Variants in MAN2A1 observed in about 807,000 individuals in gnomAD.
MAN2A1 encodes the protein mannosidase alpha class 2A member 1.
A neutral mutation model predicts 142.6 loss-of-function variants in MAN2A1; 76 were observed. The observed-to-expected ratio is 0.53, with a 90% CI of 0.44 to 0.65. The LOEUF (loss-of-function observed/expected upper bound fraction) is 0.65, where lower values mean the gene tolerates loss of function less well. Among genes scored for constraint, MAN2A1 ranks in the 30% least tolerant of loss-of-function variants. The probability of loss-of-function intolerance (pLI) is 0.00; values close to 1 mark genes in which losing one functional copy is unlikely to be tolerated. For missense variants in MAN2A1, 1,311 were observed against 1,365.1 expected (o/e 0.96, Z 0.62); for synonymous variants, 559 against 473.2 (o/e 1.18, Z -2.35).
chr5:109,790,440 G>A (rs1225537984), intron 12 of MAN2A1, among the ~76,000 whole-genome samples: 1 of 151,840 alleles, frequency 6.6e-6, no homozygotes, highest in East Asian at 1.9e-4. Flanking sequence ...GACATAAGGT[G>A]TATACAGCTT....
At chr5:109,753,511 T>A (rs1223593273) in intron 4 of MAN2A1, among the ~76,000 whole-genome samples, 1 of 152,344 alleles carries the variant, frequency 6.6e-6, no homozygotes, top group East Asian at 1.9e-4. Flanking sequence ...CATGTGAAAT[T>A]ATATTAGTTG....
intron 17 of MAN2A1, among the ~76,000 whole-genome samples, chr5:109,844,882 G>A (rs975552426): frequency 4.6e-5 from 7 of 152,136 alleles, no homozygotes; most frequent in African/African-American, 1.7e-4. Flanking sequence ...TTTCTGCAGA[G>A]GCTGTATTTC....
At chr5:109,697,589 T>G (rs931782831) in intron 1 of MAN2A1, among the ~76,000 whole-genome samples, 1 of 152,238 alleles carries the variant, frequency 6.6e-6, no homozygotes, top group African/African-American at 2.4e-5. Context: ...TAATAATGTT[T>G]CATGACATAG....
chr5:109,799,861 G>T (rs965885140), intron 12 of MAN2A1, among the ~76,000 whole-genome samples: 3 of 152,062 alleles, frequency 2.0e-5, no homozygotes, highest in African/African-American at 4.8e-5. Flanking sequence ...GCCGAGGTGG[G>T]TGGATCCCCT....
chr5:109,735,878 GTTTTT>G (rs35796131), intron 4 of MAN2A1, among the ~76,000 whole-genome samples: 9 of 98,404 alleles, frequency 9.1e-5, no homozygotes, highest in Admixed American at 8.3e-4. Context: ...TTCCATTGGA[GTTTTT>G]TTTTTTTTTT....
At position 109,766,622 on chromosome 5, in the gene MAN2A1, T is replaced by G. The variant is rs780234563; in HGVS notation, c.836-913T>G. Among the ~76,000 whole-genome samples the G allele has an allele frequency of 2.5e-4, 38 of 152,156 alleles. 1 individual carries two copies. Among genetic ancestry groups the G allele is most frequent in the Non-Finnish European group, 5.3e-4 (36 of 68,022 alleles). ...GCCTCTGCAAACTAGAGTCAAGATC[T>G]AATTTAACTCGTTTTTGTAACTGTG... On this transcript the variant is annotated intron_variant, in intron 5 of 21. Transcript: ENST00000261483.
At chr5:109,850,346 C>G (rs889890538) in intron 19 of MAN2A1, among the ~76,000 whole-genome samples, 8 of 152,250 alleles carry the variant, frequency 5.3e-5, no homozygotes, top group African/African-American at 1.9e-4. Flanking sequence ...ATTCCAGGGA[C>G]TTGTTGCCTT....
chr5:109,862,020 G>A (rs1024673238), intron 20 of MAN2A1, among the ~76,000 whole-genome samples: 9 of 152,084 alleles, frequency 5.9e-5, no homozygotes, highest in Admixed American at 2.6e-4. Flanking sequence ...GTTGTTGTGC[G>A]ATAAAATGAG....
At chr5:109,806,840 C>A (rs565455786) in intron 12 of MAN2A1, among the ~76,000 whole-genome samples, 1 of 152,134 alleles carries the variant, frequency 6.6e-6, no homozygotes, top group East Asian at 1.9e-4. Flanking sequence ...TGAATCTTTT[C>A]CTTGGACAAA....
At chr5:109,827,474 G>T (rs754847266) in intron 16 of MAN2A1, among the ~76,000 whole-genome samples, 1 of 152,124 alleles carries the variant, frequency 6.6e-6, no homozygotes, top group Non-Finnish European at 1.5e-5. Flanking sequence ...AATCAAGAAC[G>T]ACAAGCAACA....
At chr5:109,692,876 A>G (rs536869533) in intron 1 of MAN2A1, among the ~76,000 whole-genome samples, 1 of 152,142 alleles carries the variant, frequency 6.6e-6, no homozygotes, top group Non-Finnish European at 1.5e-5. Flanking sequence ...TTAGATTCTC[A>G]TAAGGACCAT....
At chr5:109,746,436 G>A (rs532147731) in intron 4 of MAN2A1, among the ~76,000 whole-genome samples, 1 of 152,162 alleles carries the variant, frequency 6.6e-6, no homozygotes, top group East Asian at 1.9e-4. Context: ...TTGTCATTTT[G>A]CTCTTTTCAC....
At chr5:109,847,550 A>C in intron 18 of MAN2A1, 107 bp from the exon 19 acceptor site, 2 of 996,032 alleles carry the variant, frequency 2.0e-6, no homozygotes, top group South Asian at 6.7e-5. Flanking sequence ...TTGACTAGAG[A>C]GGAAATTTAG....
At chr5:109,824,099 CTTTATT>C (rs1476037438) in intron 16 of MAN2A1, among the ~76,000 whole-genome samples, 1 of 152,122 alleles carries the variant, frequency 6.6e-6, no homozygotes, top group East Asian at 1.9e-4. Flanking sequence ...TAACTGGTAA[CTTTATT>C]TTTAACACCT....
intron 16 of MAN2A1, among the ~76,000 whole-genome samples, chr5:109,836,097 A>G (rs950040359): frequency 6.7e-6 from 1 of 150,248 alleles, no homozygotes; most frequent in Non-Finnish European, 1.5e-5. Context: ...AATAATAACA[A>G]TAATAATAAT....
intron 12 of MAN2A1, among the ~76,000 whole-genome samples, chr5:109,810,236 G>C (rs1754280515): frequency 6.6e-6 from 1 of 151,878 alleles, no homozygotes; most frequent in Non-Finnish European, 1.5e-5. Context: ...ACGTGGCTCT[G>C]TCTTTTGTGA....
At chr5:109,713,858 G>A in intron 2 of MAN2A1, 84 bp downstream of exon 2, 3 of 1,316,840 alleles carry the variant, frequency 2.3e-6, no homozygotes, top group Non-Finnish European at 3.1e-6. Context: ...GTTCTGACTT[G>A]GTAAGTTGCT....
rs561292668 is a variant in MAN2A1, at chr5:109,832,538, G to A, written c.2566+8701G>A. Among the ~76,000 whole-genome samples the A allele has an allele frequency of 4.7e-3, 719 of 152,298 alleles. 7 individuals carry two copies. The highest frequency in any genetic ancestry group is 0.016 in the African/African-American group (677 of 41,564). On this transcript the variant is annotated intron_variant, in intron 16 of 21. Transcript: ENST00000261483. ...TCCCAAGGCAGAAGAATTTTTCTTA[G>A]TACAGCACAAAATGGAGTCTCCCAT...
chr5:109,790,320 A>T (rs567507128), intron 12 of MAN2A1, among the ~76,000 whole-genome samples: 1 of 152,020 alleles, frequency 6.6e-6, no homozygotes, highest in South Asian at 2.1e-4. Context: ...AAAATTATTT[A>T]AAAATAAATG....
Sources: gnomAD v4.1 joint callset for allele counts (sites outside exome capture counted in the v4.1 genomes callset) on GRCh38, gnomAD v4.1.1 for gene constraint, MANE v1.5 for transcripts, NCBI Gene and HGNC (gene_info 2026-07-23, HGNC 2026-07-21) for gene names.